Variants in SI observed in about 807,000 individuals in gnomAD.
The protein encoded by SI is sucrase-isomaltase, intestinal.
Under a neutral mutation model 253.3 loss-of-function variants are expected in SI, and 235 were observed. That is an observed-to-expected ratio of 0.93 (90% CI 0.83 to 1.03). The LOEUF (loss-of-function observed/expected upper bound fraction) is 1.03, where lower values mean the gene tolerates loss of function less well. SI is among the 50% of genes least tolerant of loss of function. The pLI is 0.00. For synonymous variants in SI, 819 were observed against 712.0 expected (o/e 1.15, Z -2.39); for missense variants, 2,442 against 2,211.1 (o/e 1.10, Z -2.09).
In SI at chr3:165,008,046, C is replaced by A. The variant is rs191891638; in HGVS notation, c.4180-48G>T. ...AGGTAAACAAAAGATAAATTTACAA[C>A]ATATATTCTCAAAAGAGCTAGTTCA... On this transcript the variant is annotated intron_variant, in intron 35 of 47. Transcript: ENST00000264382. 3.1e-6 allele frequency: 3 copies of A among 983,166 alleles called. No homozygotes were observed. The South Asian group carries it at 3.9e-5, about 13-fold the overall frequency. The allele number at this position is 983,166 out of a possible 1,614,324, so 60.9% of individuals were successfully genotyped here.
In SI at chr3:164,983,411, C is replaced by A. The variant is rs74599134; in HGVS notation, c.5198-360G>T. ...AATTCAGTGATGATAGCAATCGACA[C>A]TTACTTGTCACCTTAGTGACTGACA... On this transcript the variant is annotated intron_variant, in intron 45 of 47. Coordinates refer to ENST00000264382, the MANE Select transcript of SI (RefSeq NM_001041.4). Among the ~76,000 whole-genome samples, 117 of 152,174 alleles carry A rather than the reference C, an allele frequency of 7.7e-4. No individual in the cohort carries two copies. The East Asian group carries it at 0.02, about 25-fold the overall frequency.
At chr3:165,045,258 C>G (rs1340228496) in intron 16 of SI, among the ~76,000 whole-genome samples, 1 of 151,952 alleles carries the variant, frequency 6.6e-6, no homozygotes, top group Non-Finnish European at 1.5e-5. Context: ...ATTTTGATAA[C>G]ATTTTGTAGA....
chr3:164,996,393 T>C (rs1440809211), intron 40 of SI, 142 bp downstream of exon 40: 3 of 623,544 alleles, frequency 4.8e-6, no homozygotes, highest in East Asian at 5.3e-5. Flanking sequence ...TCAAAAAAAG[T>C]TCCTCCAGAC....
At chr3:165,001,939 A>G (rs1332362277) in intron 37 of SI, among the ~76,000 whole-genome samples, 1 of 151,574 alleles carries the variant, frequency 6.6e-6, no homozygotes, top group Non-Finnish European at 1.5e-5. Context: ...GTTTATAAGA[A>G]TATCTGCAAA....
At chr3:164,991,550 T>C in intron 43 of SI, 73 bp from the exon 44 acceptor site, 2 of 1,480,232 alleles carry the variant, frequency 1.4e-6, no homozygotes, top group Non-Finnish European at 1.9e-6. Flanking sequence ...TAGTTGAGGA[T>C]ATACATTTTA....
At chr3:165,042,951 T>C in intron 17 of SI, 108 bp downstream of exon 17, 1 of 769,722 alleles carries the variant, frequency 1.3e-6, no homozygotes, top group South Asian at 1.4e-5. Flanking sequence ...GTCTTATGAA[T>C]TATGCTACAA....
At chr3:165,006,485 T>C (rs1306231259) in intron 37 of SI, among the ~76,000 whole-genome samples, 2 of 152,206 alleles carry the variant, frequency 1.3e-5, no homozygotes, top group East Asian at 1.9e-4. Flanking sequence ...TTATATGTTA[T>C]TAATTCATTT....
At chr3:165,029,449 G>GTA (rs375249913) in intron 25 of SI, among the ~76,000 whole-genome samples, 122 of 149,880 alleles carry the variant, frequency 8.1e-4, no homozygotes, top group African/African-American at 2.8e-3. Context: ...CAGAGAAAAA[G>GTA]AAGTAATTAT....
At chr3:165,022,181 A>G (rs936768307) in intron 26 of SI, among the ~76,000 whole-genome samples, 1 of 151,484 alleles carries the variant, frequency 6.6e-6, no homozygotes, top group Non-Finnish European at 1.5e-5. Flanking sequence ...CCTATGTCAC[A>G]TCTTTATCAG....
In SI at chr3:165,036,430, G is replaced by A; in HGVS notation, c.2474C>T (p.Thr825Ile). 3.1e-6 allele frequency: 5 copies of A among 1,611,630 alleles called. No individual in the cohort carries two copies. Among genetic ancestry groups the A allele is most frequent in the Non-Finnish European group, 3.4e-6 (4 of 1,178,424 alleles). Reference sequence around the variant, plus strand: ...ATCCCAGAAAAAGTCTCCTTTGGCTGTGTTGTTTTCACCTAATGCGACTAT... The same window carrying A: ...ATCCCAGAAAAAGTCTCCTTTGGCTATGTTGTTTTCACCTAATGCGACTAT... ...GLIVALGENN[T>I]AKGDFFWDDG... Residue 825 changes from threonine (T) to isoleucine (I), a missense_variant, in exon 22 of 48, where the codon ACA becomes ATA. Physicochemically the swap from Thr to Ile is moderately conservative, Grantham distance 89. Coordinates refer to ENST00000264382, the MANE Select transcript of SI (RefSeq NM_001041.4).
At position 164,979,552 on chromosome 3, in the gene SI, G is replaced by T. The variant is rs1332047270; in HGVS notation, c.5416-122C>A. 6 of 565,046 alleles carry T rather than the reference G, an allele frequency of 1.1e-5. No individual in the cohort carries two copies. In the Admixed American group the frequency reaches 1.2e-4, roughly 11 times the overall value. 35.0% of individuals were successfully genotyped at this position (565,046 alleles called of 1,614,324 possible). A position where few individuals can be genotyped will look rare whatever the true frequency, so the allele number is the denominator to read the frequency against. ...ATACCTTTATTTTCTTTTATATCTTGAGAAATTTTTACTCTCAGAAAGTTT... is the reference window on the plus strand; with the variant it reads ...ATACCTTTATTTTCTTTTATATCTTTAGAAATTTTTACTCTCAGAAAGTTT... On this transcript the variant is annotated intron_variant, in intron 47 of 47. Coordinates refer to ENST00000264382, the MANE Select transcript of SI (RefSeq NM_001041.4).
chr3:165,015,850 G>T, intron 32 of SI, 102 bp downstream of exon 32: 1 of 1,040,156 alleles, frequency 9.6e-7, no homozygotes, highest in Non-Finnish European at 1.5e-6. Flanking sequence ...GTTACTCAAA[G>T]TTATATACTT....
At chr3:165,006,751 A>G in intron 37 of SI, 65 bp downstream of exon 37, 1 of 1,409,220 alleles carries the variant, frequency 7.1e-7, no homozygotes, top group Non-Finnish European at 1.0e-6. Context: ...TGTTAAAATG[A>G]TAACATTAAA....
chr3:165,002,172 G>T (rs1053158342), intron 37 of SI, among the ~76,000 whole-genome samples: 1 of 151,510 alleles, frequency 6.6e-6, no homozygotes, highest in Admixed American at 6.6e-5. Context: ...CATAATCCTT[G>T]AATATTTGTC....
At chr3:165,025,763 T>C (rs2108192445) in intron 25 of SI, among the ~76,000 whole-genome samples, 1 of 151,364 alleles carries the variant, frequency 6.6e-6, no homozygotes. Flanking sequence ...AGGAAAGATA[T>C]AACCTTTTTC....
chr3:165,049,960 T>A lies in SI; in HGVS notation c.1513-85A>T, dbSNP rs1394921518. ...AAACTCTCTAGTTGTTTGAAAATGT[T>A]TTATATAAGATAACCATAATGCTCG... On this transcript the variant is annotated intron_variant, in intron 13 of 47. Transcript: ENST00000264382. 3 of 863,716 alleles carry A rather than the reference T, an allele frequency of 3.5e-6. No individual in the cohort carries two copies. In the African/African-American group the frequency reaches 5.0e-5, roughly 14 times the overall value. 53.5% of individuals were successfully genotyped at this position (863,716 alleles called of 1,614,324 possible).
chr3:165,071,968 C>T (rs960921407), intron 3 of SI, among the ~76,000 whole-genome samples: 1 of 152,078 alleles, frequency 6.6e-6, no homozygotes, highest in Non-Finnish European at 1.5e-5. Context: ...TGCCTGTTAC[C>T]TAGGTAACCA....
chr3:165,036,660 T>C (rs1712548674), intron 21 of SI, among the ~76,000 whole-genome samples, 183 bp from the exon 22 acceptor site: 1 of 151,840 alleles, frequency 6.6e-6, no homozygotes, highest in Admixed American at 6.6e-5. Context: ...CTTATGTGAA[T>C]ACCGAAATAA....
At chr3:165,074,712 T>A in intron 2 of SI, 45 bp from the exon 3 acceptor site, 1 of 1,483,222 alleles carries the variant, frequency 6.7e-7, no homozygotes, top group Non-Finnish European at 9.4e-7. Flanking sequence ...GACATTAAAT[T>A]AATTTTCTCA....
Sources: allele counts gnomAD v4.1 joint callset (sites outside exome capture counted in the v4.1 genomes callset), GRCh38; gene constraint gnomAD v4.1.1; transcripts MANE v1.5; gene names NCBI Gene and HGNC (gene_info 2026-07-23, HGNC 2026-07-21).